The following ZNF385D variants were observed in gnomAD, a reference collection of about 807,000 sequenced individuals.
ZNF385D encodes zinc finger protein 385D, also known as zinc finger protein 659.
A neutral mutation model predicts 35.8 loss-of-function variants in ZNF385D; 15 were observed. That is an observed-to-expected ratio of 0.42 (90% CI 0.28 to 0.64). The LOEUF (loss-of-function observed/expected upper bound fraction) is 0.64, where lower values mean the gene tolerates loss of function less well. Among genes scored for constraint, ZNF385D ranks in the 30% least tolerant of loss-of-function variants. The probability of loss-of-function intolerance (pLI) is 0.23; values close to 1 mark genes in which losing one functional copy is unlikely to be tolerated. For synonymous variants in ZNF385D, 212 were observed against 186.8 expected, an observed-to-expected ratio of 1.13 and a Z score of -1.10; for missense variants, 474 against 494.6, an observed-to-expected ratio of 0.96 and a Z score of 0.39.
At chr3:22,109,325 T>C (rs536060329) in intron 3 of ZNF385D, among the ~76,000 whole-genome samples, 36 of 152,242 alleles carry the variant, frequency 2.4e-4, no homozygotes, top group South Asian at 8.3e-4. Context: ...AATATGAACA[T>C]ATAAGGATAC....
intron 3 of ZNF385D, among the ~76,000 whole-genome samples, chr3:21,927,410 GT>G (rs1559761880): frequency 7.2e-5 from 11 of 152,116 alleles, no homozygotes; most frequent in African/African-American, 2.7e-4. Flanking sequence ...AAAAATCTGT[GT>G]GCAACAGTTC....
At chr3:21,440,282 G>A (rs1448910711) in intron 4 of ZNF385D, among the ~76,000 whole-genome samples, 1 of 152,078 alleles carries the variant, frequency 6.6e-6, no homozygotes, top group African/African-American at 2.4e-5. Context: ...AATGTTAACA[G>A]CAGCATATAC....
rs375774857 is a variant in ZNF385D at position 22,095,092 on chromosome 3, T to C, written c.325+73725A>G. ...CCAGTTATTTTTTCATTCTTTCTTT[T>C]TTTTTTTTTTTTTGTAGAGATGGGG... On this transcript the variant is annotated intron_variant, in intron 3 of 5. Transcript: ENST00000494108. Among the ~76,000 whole-genome samples the C allele has an allele frequency of 2.0e-4, 11 of 55,622 alleles. No homozygotes were observed. In the East Asian group the frequency reaches 2.5e-3, roughly 13 times the overall value. The allele number at this position is 55,622 out of a possible 152,430, so 36.5% of individuals were successfully genotyped here.
At chr3:22,268,366 T>C (rs1701002342) in intron 2 of ZNF385D, among the ~76,000 whole-genome samples, 1 of 152,046 alleles carries the variant, frequency 6.6e-6, no homozygotes, top group Non-Finnish European at 1.5e-5. Context: ...ATTATAAATG[T>C]TATAGTACAT....
At chr3:22,116,578 G>A (rs1451837484) in intron 3 of ZNF385D, among the ~76,000 whole-genome samples, 3 of 152,082 alleles carry the variant, frequency 2.0e-5, no homozygotes, top group East Asian at 3.9e-4. Context: ...TGTGAGAGAC[G>A]AAATTACACA....
chr3:22,369,109 A>G (rs1212822117), intron 2 of ZNF385D, among the ~76,000 whole-genome samples: 1 of 152,122 alleles, frequency 6.6e-6, no homozygotes, highest in Non-Finnish European at 1.5e-5. Context: ...AGTACCATCT[A>G]CCTTGAGTTC....
At chr3:21,862,994 C>T (rs933622537) in intron 3 of ZNF385D, among the ~76,000 whole-genome samples, 7 of 152,108 alleles carry the variant, frequency 4.6e-5, no homozygotes, top group African/African-American at 1.7e-4. Flanking sequence ...GACTTTATCT[C>T]ACTTTGTGTA....
chr3:22,359,530 T>G (rs1291214373), intron 2 of ZNF385D, among the ~76,000 whole-genome samples: 1 of 151,792 alleles, frequency 6.6e-6, no homozygotes, highest in Non-Finnish European at 1.5e-5. Context: ...CCCTTTTAGG[T>G]TCCCCATATT....
chr3:22,156,514 G>A lies in ZNF385D; in HGVS notation c.325+12303C>T, dbSNP rs184492881. On this transcript the variant is annotated intron_variant, in intron 3 of 5. Transcript: ENST00000494108. ...TACTTGCTTTCATGACTGGTAGATC[G>A]ATGACAGTTCCTAAAACATCGCTGA... 5.3e-5 allele frequency among the ~76,000 whole-genome samples: 8 copies of A among 152,122 alleles called. No individual in the cohort carries two copies. The East Asian group carries it at 7.8e-4, about 15-fold the overall frequency.
intron 3 of ZNF385D, among the ~76,000 whole-genome samples, chr3:21,963,566 C>T (rs988773573): frequency 3.3e-5 from 5 of 152,084 alleles, no homozygotes; most frequent in African/African-American, 9.7e-5. Context: ...ATCAAAACAC[C>T]GAATTCCACT....
chr3:21,801,415 T>C (rs1388960463), intron 3 of ZNF385D, among the ~76,000 whole-genome samples: 1 of 152,206 alleles, frequency 6.6e-6, no homozygotes, highest in Non-Finnish European at 1.5e-5. Context: ...TTCTTTTAAG[T>C]GTTTGGTAAA....
intron 3 of ZNF385D, among the ~76,000 whole-genome samples, chr3:21,812,988 G>A (rs1442148307): frequency 6.6e-6 from 1 of 152,180 alleles, no homozygotes; most frequent in Non-Finnish European, 1.5e-5. Flanking sequence ...GCGCCTCTGA[G>A]ATGAAGCTTC....
intron 3 of ZNF385D, among the ~76,000 whole-genome samples, chr3:22,144,486 T>C (rs932477953): frequency 2.9e-5 from 4 of 138,376 alleles, no homozygotes; most frequent in African/African-American, 1.1e-4. Context: ...AGGCAGGAAA[T>C]TGCTTGAAGA....
intron 3 of ZNF385D, among the ~76,000 whole-genome samples, chr3:21,967,230 G>C (rs947549071): frequency 6.6e-6 from 1 of 151,816 alleles, no homozygotes; most frequent in African/African-American, 2.4e-5. Flanking sequence ...TCAGTCCTGG[G>C]GAAGTAAATA....
chr3:21,493,565 G>T (rs993665891), intron 4 of ZNF385D, among the ~76,000 whole-genome samples: 1 of 151,926 alleles, frequency 6.6e-6, no homozygotes, highest in Admixed American at 6.6e-5. Context: ...GATCTAAAAT[G>T]TCTTAGTAAT....
intron 3 of ZNF385D, among the ~76,000 whole-genome samples, chr3:22,122,502 T>C (rs768474141): frequency 6.6e-6 from 1 of 152,142 alleles, no homozygotes; most frequent in Non-Finnish European, 1.5e-5. Flanking sequence ...TATTGAGCAC[T>C]AAATATATGT....
intron 2 of ZNF385D, among the ~76,000 whole-genome samples, chr3:21,598,689 C>T (rs2064194527): frequency 6.6e-6 from 1 of 152,068 alleles, no homozygotes; most frequent in African/African-American, 2.4e-5. Context: ...TACTTTAAAC[C>T]ACAAATTAGG....
chr3:22,321,828 T>A (rs200161837), intron 2 of ZNF385D, among the ~76,000 whole-genome samples: 2 of 152,138 alleles, frequency 1.3e-5, no homozygotes, highest in East Asian at 3.9e-4. Flanking sequence ...ATAGGCAGAT[T>A]TATTGTGCTT....
At chr3:21,489,133 G>A (rs1038549882) in intron 4 of ZNF385D, among the ~76,000 whole-genome samples, 34 of 152,176 alleles carry the variant, frequency 2.2e-4, no homozygotes, top group Admixed American at 2.2e-3. Context: ...GCAGTTGATA[G>A]ACTAACAGAA....
Sources: allele counts gnomAD v4.1 joint callset (sites outside exome capture counted in the v4.1 genomes callset), GRCh38; gene constraint gnomAD v4.1.1; transcripts MANE v1.5; gene names NCBI Gene and HGNC (gene_info 2026-07-23, HGNC 2026-07-21).